RSL24D1: variants seen among roughly 807,000 people sequenced by gnomAD.
The protein encoded by RSL24D1 is probable ribosome biogenesis protein RLP24.
A neutral mutation model predicts 26.2 loss-of-function variants in RSL24D1; 6 were observed. That is an observed-to-expected ratio of 0.23 (90% CI 0.13 to 0.45). The LOEUF is 0.45. Among genes scored for constraint, RSL24D1 ranks in the 20% least tolerant of loss-of-function variants. The pLI, the probability that RSL24D1 is intolerant of heterozygous loss-of-function variation, is 0.99. For synonymous variants in RSL24D1, 61 were observed against 59.1 expected (o/e 1.03, Z -0.15); for missense variants, 176 against 202.6 (o/e 0.87, Z 0.80).
intron 1 of RSL24D1, among the ~76,000 whole-genome samples, chr15:55,193,947 T>C (rs1894327198): frequency 6.6e-6 from 1 of 152,204 alleles, no homozygotes; most frequent in Non-Finnish European, 1.5e-5. Flanking sequence ...CATTGTGAAA[T>C]GAATTATATT....
chr15:55,182,344 A>C, intron 5 of RSL24D1, 119 bp from the exon 6 acceptor site: 1 of 654,172 alleles, frequency 1.5e-6, no homozygotes, highest in Non-Finnish European at 2.8e-6. Context: ...CTCCTAAGAA[A>C]TTTAATAGTA....
chr15:55,182,191 C>T lies in RSL24D1; in HGVS notation c.453G>A (p.Gln151=). 6.2e-7 allele frequency: 1 copy of T among 1,609,066 alleles called. No homozygotes were observed. Among genetic ancestry groups the T allele is most frequent in the Non-Finnish European group, 8.5e-7 (1 of 1,175,866 alleles). ...CCATGTCCACATCCTCTTGTAACTG[C>T]TGTACCATTTTCTCTTCCAACTGTT... ...KGKQLEEKMV[Q]QLQEDVDMED... The change falls in exon 6 of 6, where the codon CAG becomes CAA. Residue 151 remains glutamine (Q), a synonymous_variant. Transcript: ENST00000260443.
At chr15:55,196,445 G>A in intron 1 of RSL24D1, 1 of 503,412 alleles carries the variant, frequency 2.0e-6, no homozygotes, top group Non-Finnish European at 3.9e-6. Flanking sequence ...TGTAATGCCT[G>A]ACAGGGTATA....
chr15:55,190,898 C>T (rs1441165415), intron 3 of RSL24D1, 77 bp downstream of exon 3: 2 of 920,416 alleles, frequency 2.2e-6, no homozygotes, highest in Non-Finnish European at 3.4e-6. Flanking sequence ...ATTTAAACAA[C>T]AAACTGACAC....
At chr15:55,190,794 TA>T (rs917756768) in intron 3 of RSL24D1, among the ~76,000 whole-genome samples, 180 bp downstream of exon 3, 20 of 148,192 alleles carry the variant, frequency 1.3e-4, no homozygotes, top group South Asian at 2.1e-4. Flanking sequence ...CAGCCAATTG[TA>T]AAAAAAAAAT....
chr15:55,192,061 G>A (rs1894303600), intron 2 of RSL24D1, among the ~76,000 whole-genome samples: 1 of 152,176 alleles, frequency 6.6e-6, no homozygotes, highest in Non-Finnish European at 1.5e-5. Context: ...TGTAGATACT[G>A]CCCTTTAGCA....
At chr15:55,193,228 CTT>C (rs1271007483) in intron 1 of RSL24D1, among the ~76,000 whole-genome samples, 1 of 152,284 alleles carries the variant, frequency 6.6e-6, no homozygotes, top group Middle Eastern at 3.4e-3. Context: ...GTCTTTCCAT[CTT>C]CCTTGTTGAA....
Position 55,185,388 on chromosome 15 carries a change from C to T in RSL24D1, c.306G>A (p.Lys102=), listed in dbSNP as rs1183057531. The T allele has an allele frequency of 3.7e-6, 6 of 1,608,210 alleles. No homozygotes were observed. Among genetic ancestry groups the T allele is most frequent in the Non-Finnish European group, 5.1e-6 (6 of 1,177,976 alleles). The change falls in exon 4 of 6, where the codon AAG becomes AAA. Residue 102 remains lysine (K), a synonymous_variant. Transcript: ENST00000260443. ...AMKRVEEIKQ[K]RQAKFIMNRL... is the part of the protein sequence containing the mutation. ...TGTTCATTATAAATTTAGCTTGGCG[C>T]TTCTGTTTGATTTCTTCAACTCTCT...
intron 1 of RSL24D1, 138 bp from the exon 2 acceptor site, chr15:55,192,971 T>C (rs1894315481): frequency 1.7e-6 from 1 of 576,010 alleles, no homozygotes. Flanking sequence ...TCAGATTAAA[T>C]GGAAACAACT....
intron 3 of RSL24D1, among the ~76,000 whole-genome samples, chr15:55,189,589 A>C (rs1372144353): frequency 3.3e-5 from 5 of 152,174 alleles, no homozygotes; most frequent in African/African-American, 1.2e-4. Flanking sequence ...CTTAAAACAT[A>C]AAGAGATTTT....
At chr15:55,186,734 T>G (rs1370289888) in intron 3 of RSL24D1, among the ~76,000 whole-genome samples, 1 of 152,174 alleles carries the variant, frequency 6.6e-6, no homozygotes, top group Non-Finnish European at 1.5e-5. Flanking sequence ...TGAATAGGAC[T>G]AAGATTAGGT....
At chr15:55,190,049 G>A (rs1430148770) in intron 3 of RSL24D1, among the ~76,000 whole-genome samples, 1 of 151,884 alleles carries the variant, frequency 6.6e-6, no homozygotes, top group African/African-American at 2.4e-5. Context: ...GGAGTTCAAG[G>A]CCACCCTGGC....
chr15:55,188,238 T>G (rs1894244979), intron 3 of RSL24D1, among the ~76,000 whole-genome samples: 1 of 152,236 alleles, frequency 6.6e-6, no homozygotes, highest in Non-Finnish European at 1.5e-5. Flanking sequence ...GGAACACTAC[T>G]GAAAACAACT....
intron 4 of RSL24D1, 96 bp from the exon 5 acceptor site, chr15:55,183,496 T>A: frequency 1.2e-6 from 1 of 820,790 alleles, no homozygotes. Context: ...GTTACTTAAG[T>A]TAGCCCCACA....
At chr15:55,182,287 CCAACA>C in intron 5 of RSL24D1, 62 bp from the exon 6 acceptor site, 2 of 1,013,062 alleles carry the variant, frequency 2.0e-6, no homozygotes, top group Non-Finnish European at 3.1e-6. Flanking sequence ...AGAATTCACA[CCAACA>C]CTTTATAAAG....
chr15:55,187,958 G>T (rs1024790732), intron 3 of RSL24D1, among the ~76,000 whole-genome samples: 1 of 152,040 alleles, frequency 6.6e-6, no homozygotes, highest in East Asian at 1.9e-4. Context: ...AAATCTGACA[G>T]ATATTAACAA....
At position 55,192,719 on chromosome 15, in the gene RSL24D1, C is replaced by T; in HGVS notation, c.195+1G>A. On this transcript the variant is annotated splice_donor_variant, in intron 2 of 5. Coordinates refer to ENST00000260443, the MANE Select transcript of RSL24D1 (RefSeq NM_016304.3). LOFTEE classifies it high-confidence loss of function. ...CTATATTGATAGCTAACCGTACTCACCACTGTAAGCTCTTTACCAGCTGCT... is the reference window on the plus strand; with the variant it reads ...CTATATTGATAGCTAACCGTACTCATCACTGTAAGCTCTTTACCAGCTGCT... The T allele has an allele frequency of 1.9e-6, 3 of 1,597,898 alleles. No homozygotes were observed. Among genetic ancestry groups the T allele is most frequent in the Non-Finnish European group, 2.6e-6 (3 of 1,165,214 alleles).
At chr15:55,191,931 AAAATTATTTTTGTG>A in intron 2 of RSL24D1, among the ~76,000 whole-genome samples, 1 of 152,230 alleles carries the variant, frequency 6.6e-6, no homozygotes, top group Non-Finnish European at 1.5e-5. Context: ...TTCCAGAATG[AAAATTATTTTTGTG>A]ACAGTAATTA....
At chr15:55,196,101 C>G (rs759461792) in intron 1 of RSL24D1, among the ~76,000 whole-genome samples, 2 of 152,216 alleles carry the variant, frequency 1.3e-5, no homozygotes, top group African/African-American at 2.4e-5. Context: ...TCTTTCACAA[C>G]TAGGACTCAT....
Sources: gnomAD v4.1 joint callset for allele counts (sites outside exome capture counted in the v4.1 genomes callset) on GRCh38, gnomAD v4.1.1 for gene constraint, MANE v1.5 for transcripts, NCBI Gene and HGNC (gene_info 2026-07-23, HGNC 2026-07-21) for gene names.